Variants in ADAM23 observed in about 807,000 individuals in gnomAD.
ADAM23 encodes ADAM metallopeptidase domain 23, also known as disintegrin and metalloproteinase domain-containing protein 23.
ADAM23 carries 33 observed loss-of-function variants against 120.1 expected under a neutral mutation model. That is an observed-to-expected ratio of 0.27 (90% CI 0.21 to 0.37). The LOEUF (loss-of-function observed/expected upper bound fraction) is 0.37. Ranked by LOEUF, ADAM23 falls within the 10% of genes least tolerant of loss-of-function variation. ADAM23 has a pLI of 1.00. For missense variants in ADAM23, 862 were observed against 1,058.2 expected, an observed-to-expected ratio of 0.81 and a Z score of 2.57; for synonymous variants, 367 against 375.2, an observed-to-expected ratio of 0.98 and a Z score of 0.25.
At position 206,602,359 on chromosome 2, in the gene ADAM23, C is replaced by G. The variant is rs935043283; in HGVS notation, c.2359+6197C>G. On this transcript the variant is annotated intron_variant, in intron 24 of 25. Transcript: ENST00000264377. The stretch of plus-strand genomic sequence containing the variant: ...ATTTGTCCATGTATCTAAAAATGAA[C>G]TTGTTTTTTTCTTTTATGGAAAACA... Among the ~76,000 whole-genome samples the G allele has an allele frequency of 6.4e-4, 98 of 152,098 alleles. 3 individuals carry two copies. In the Middle Eastern group the frequency reaches 0.01, roughly 16 times the overall value.
At chr2:206,484,135 C>T (rs947355114) in intron 3 of ADAM23, among the ~76,000 whole-genome samples, 19 of 152,100 alleles carry the variant, frequency 1.2e-4, no homozygotes, top group Admixed American at 2.6e-4. Flanking sequence ...AGTTTTGAAC[C>T]GGTAAAGACA....
intron 20 of ADAM23, 44 bp downstream of exon 20, chr2:206,588,198 T>C (rs1292148481): frequency 2.5e-6 from 4 of 1,595,334 alleles, no homozygotes; most frequent in Non-Finnish European, 3.4e-6. Flanking sequence ...TACCATTTTC[T>C]CTTAATAGTG....
intron 3 of ADAM23, among the ~76,000 whole-genome samples, chr2:206,523,880 C>T (rs1175482430): frequency 2.0e-5 from 3 of 151,900 alleles, no homozygotes; most frequent in Admixed American, 6.6e-5. Context: ...GGAGCGGGCA[C>T]GATGCTTCAC....
chr2:206,608,257 C>A (rs1559287871), intron 24 of ADAM23, among the ~76,000 whole-genome samples: 1 of 152,118 alleles, frequency 6.6e-6, no homozygotes, highest in Non-Finnish European at 1.5e-5. Context: ...TGGCTATGTT[C>A]CGATAAAACT....
chr2:206,453,306 G>C (rs558363845), intron 2 of ADAM23, among the ~76,000 whole-genome samples: 19 of 152,332 alleles, frequency 1.2e-4, no homozygotes, highest in African/African-American at 4.3e-4. Context: ...AGACTTTCAA[G>C]TCCAAATTCT....
intron 3 of ADAM23, among the ~76,000 whole-genome samples, chr2:206,506,150 C>T (rs1037551668): frequency 6.6e-6 from 1 of 152,176 alleles, no homozygotes; most frequent in African/African-American, 2.4e-5. Context: ...ATAGAGGCTA[C>T]CAGATTTCAT....
intron 3 of ADAM23, among the ~76,000 whole-genome samples, chr2:206,528,472 A>G (rs1157435181): frequency 6.6e-6 from 1 of 152,226 alleles, no homozygotes; most frequent in African/African-American, 2.4e-5. Flanking sequence ...AAACATGTCT[A>G]AAGTTTAAGC....
intron 2 of ADAM23, among the ~76,000 whole-genome samples, chr2:206,461,147 C>T (rs1184952451): frequency 6.7e-6 from 1 of 148,942 alleles, no homozygotes. Context: ...ACTGCAACAT[C>T]GCCTCCTCGG....
chr2:206,608,913 A>T (rs1046454400), intron 24 of ADAM23, among the ~76,000 whole-genome samples: 24 of 152,208 alleles, frequency 1.6e-4, no homozygotes, highest in African/African-American at 5.5e-4. Flanking sequence ...TGATTCCTGG[A>T]GCAGGGATAG....
intron 24 of ADAM23, among the ~76,000 whole-genome samples, chr2:206,600,188 T>C (rs755342032): frequency 6.6e-6 from 1 of 152,074 alleles, no homozygotes; most frequent in African/African-American, 2.4e-5. Context: ...GGCAACAGAG[T>C]GAGACACTGT....
rs915076307 is a variant in ADAM23, at chr2:206,581,854, A to G, written c.1738-5471A>G. On this transcript the variant is annotated intron_variant, in intron 18 of 25. Coordinates refer to ENST00000264377, the MANE Select transcript of ADAM23 (RefSeq NM_003812.4). ...CCCCACTATTATTGTGTTGCTGTCT[A>G]TGTCCTTTCTCTTCCTTCCTTCCTT... 1.2e-4 allele frequency among the ~76,000 whole-genome samples: 18 copies of G among 151,710 alleles called. 1 individual carries two copies. Among genetic ancestry groups the G allele is most frequent in the South Asian group, 4.2e-4 (2 of 4,776 alleles).
chr2:206,580,296 A>T (rs186294925), intron 18 of ADAM23, among the ~76,000 whole-genome samples: 3 of 151,638 alleles, frequency 2.0e-5, no homozygotes, highest in African/African-American at 7.3e-5. Flanking sequence ...TCTTGTTCCA[A>T]TTCTCAGAGG....
intron 6 of ADAM23, among the ~76,000 whole-genome samples, chr2:206,545,937 A>G (rs1697388250): frequency 6.6e-6 from 1 of 152,226 alleles, no homozygotes; most frequent in African/African-American, 2.4e-5. Context: ...TTTTAAATGT[A>G]TAAAATGAGA....
intron 3 of ADAM23, among the ~76,000 whole-genome samples, chr2:206,513,729 G>A (rs919702637): frequency 1.3e-5 from 2 of 152,202 alleles, no homozygotes; most frequent in Non-Finnish European, 2.9e-5. Context: ...TAACTAGAGA[G>A]GAGAACTCAA....
At chr2:206,468,068 A>G (rs1218673752) in intron 2 of ADAM23, among the ~76,000 whole-genome samples, 3 of 152,040 alleles carry the variant, frequency 2.0e-5, no homozygotes, top group Non-Finnish European at 2.9e-5. Flanking sequence ...AAACAATTCA[A>G]TTCTTCCCTC....
intron 2 of ADAM23, among the ~76,000 whole-genome samples, chr2:206,459,340 A>G (rs934749008): frequency 9.2e-5 from 14 of 152,232 alleles, no homozygotes; most frequent in Non-Finnish European, 1.3e-4. Flanking sequence ...CTGATTAACT[A>G]TAACTATATC....
chr2:206,542,711 A>C (rs1697318374), intron 5 of ADAM23, among the ~76,000 whole-genome samples: 4 of 152,194 alleles, frequency 2.6e-5, no homozygotes, highest in African/African-American at 9.6e-5. Flanking sequence ...AAAAAACCTT[A>C]TGTCCCTGAA....
Position 206,547,465 on chromosome 2 carries a change from T to A in ADAM23, c.757T>A (p.Leu253Met). 2 of 1,613,272 alleles carry A rather than the reference T, an allele frequency of 1.2e-6. No individual in the cohort carries two copies. The highest frequency in any genetic ancestry group is 2.2e-5 in the South Asian group (2 of 90,916). ...TGRPHIIQKT[L>M]AGQYSKQMKN... ...TCGACCACATATAATCCAGAAAACC[T>A]TGGCAGGACAGTATTCTAAGCAAAT... The change falls in exon 7 of 26, where the codon TTG becomes ATG. Residue 253 changes from leucine (L) to methionine (M), a missense_variant. Coordinates refer to ENST00000264377, the MANE Select transcript of ADAM23 (RefSeq NM_003812.4).
rs186842860 is a variant in ADAM23, at chr2:206,611,367, G to A, written c.2450+1367G>A. On this transcript the variant is annotated intron_variant, in intron 25 of 25. Coordinates refer to ENST00000264377, the MANE Select transcript of ADAM23 (RefSeq NM_003812.4). The stretch of plus-strand genomic sequence containing the variant: ...GTATTAATAAAATATTGCCCACATA[G>A]TGAGTCACGCATGTGGCATCTAGTA... 1.4e-4 allele frequency among the ~76,000 whole-genome samples: 21 copies of A among 152,266 alleles called. No homozygotes were observed. In the East Asian group the frequency reaches 3.5e-3, roughly 25 times the overall value.
Sources: allele counts gnomAD v4.1 joint callset (sites outside exome capture counted in the v4.1 genomes callset), GRCh38; gene constraint gnomAD v4.1.1; transcripts MANE v1.5; gene names NCBI Gene and HGNC (gene_info 2026-07-23, HGNC 2026-07-21).